The following TTC22 variants were observed in gnomAD, a reference collection of about 807,000 sequenced individuals.
TTC22 encodes tetratricopeptide repeat domain 22.
TTC22 carries 42 observed loss-of-function variants against 48.2 expected under a neutral mutation model. That is an observed-to-expected ratio of 0.87 (90% CI 0.68 to 1.13). The LOEUF (loss-of-function observed/expected upper bound fraction) is 1.13. TTC22 is among the 50% of genes most tolerant of loss of function. The pLI, the probability that TTC22 is intolerant of heterozygous loss-of-function variation, is 0.00. For missense variants in TTC22, 784 were observed against 807.0 expected (o/e 0.97, Z 0.34); for synonymous variants, 345 against 365.5 (o/e 0.94, Z 0.64).
rs1646262650 is a variant in TTC22, at chr1:54,781,529, A to G, written c.1424T>C (p.Leu475Pro). 17 of 1,514,146 alleles carry G rather than the reference A, an allele frequency of 1.1e-5. No individual in the cohort carries two copies. Among genetic ancestry groups the G allele is most frequent in the Non-Finnish European group, 1.5e-5 (17 of 1,138,612 alleles). The allele number at this position is 1,514,146 out of a possible 1,614,324, so 93.8% of individuals were successfully genotyped here. Residue 475 changes from leucine (L) to proline (P), a missense_variant, in exon 7 of 7, where the codon CTG (leucine) becomes CCG (proline). Coordinates refer to ENST00000371276, the MANE Select transcript of TTC22 (RefSeq NM_001114108.2). ...GSSHTDGFGC[L>P]LEALLAQWSQ... ...CCACTGCGCCAGCAGCGCCTCGAGC[A>G]GGCAGCCGAAGCCGTCGGTGTGGCT...
intron 1 of TTC22, among the ~76,000 whole-genome samples, chr1:54,795,276 G>A (rs1646382232): frequency 6.6e-6 from 1 of 152,272 alleles, no homozygotes; most frequent in Non-Finnish European, 1.5e-5. Flanking sequence ...GAGGTGGTAT[G>A]CGCACAGGTG....
Position 54,786,019 on chromosome 1 carries a change from T to C in TTC22, c.984A>G (p.Pro328=). 2 of 1,614,088 alleles carry C rather than the reference T, an allele frequency of 1.2e-6. No individual in the cohort carries two copies. Among genetic ancestry groups the C allele is most frequent in the Non-Finnish European group, 1.7e-6 (2 of 1,179,972 alleles). ...CNMALDVLRD[P]ELNWQAYCTR... ...TGCAGTACGCCTGCCAGTTGAGTTC[T>C]GGATCTCGTAGGACATCCAGGGCCA... Residue 328 remains proline, a synonymous_variant, in exon 5 of 7, where the codon CCA becomes CCG. Transcript: ENST00000371276.
rs556234071 is a variant in TTC22, at chr1:54,787,004, G to A, written c.811C>T (p.His271Tyr). Residue 271 changes from histidine to tyrosine, a missense_variant, in exon 4 of 7, where the codon CAT becomes TAT. His to Tyr is a moderately conservative substitution (Grantham distance 83). Coordinates refer to ENST00000371276, the MANE Select transcript of TTC22 (RefSeq NM_001114108.2). ...TCGGTCCCTGAGTACCCGCAGTCAT[G>A]GACGCCCATGGGGGTGGTGGAGAAG... Reference protein sequence around the residue: ...DTFSTTPMGVHDCGYSGTDPL... With the variant: ...DTFSTTPMGVYDCGYSGTDPL... 7 of 1,564,804 alleles carry A rather than the reference G, an allele frequency of 4.5e-6. No individual in the cohort carries two copies. Among genetic ancestry groups the A allele is most frequent in the East Asian group, 4.8e-5 (2 of 41,808 alleles).
chr1:54,785,224 G>T, intron 5 of TTC22: 1 of 212,298 alleles, frequency 4.7e-6, no homozygotes, highest in Non-Finnish European at 9.6e-6. Flanking sequence ...GACCTCTACT[G>T]GCTTTCAGAA....
At chr1:54,790,184 C>T (rs574165788) in intron 1 of TTC22, among the ~76,000 whole-genome samples, 1 of 152,296 alleles carries the variant, frequency 6.6e-6, no homozygotes, top group Non-Finnish European at 1.5e-5. Context: ...CCAAGACCAG[C>T]CTGTGCAACA....
At position 54,781,560 on chromosome 1, in the gene TTC22, C is replaced by A; in HGVS notation, c.1393G>T (p.Gly465Cys). The change falls in exon 7 of 7, where the codon GGC (glycine) becomes TGC (cysteine). Residue 465 changes from glycine to cysteine, a missense_variant. Gly to Cys is a radical substitution (Grantham distance 159). Transcript: ENST00000371276. The part of the protein sequence containing the change: ...FKRAVELDDA[G>C]SSHTDGFGCL... The stretch of plus-strand genomic sequence containing the variant: ...CCGAAGCCGTCGGTGTGGCTGGAGC[C>A]CGCGTCGTCCAGCTCCACTGCGCGC... 6.6e-7 allele frequency: 1 copy of A among 1,521,028 alleles called. No individual in the cohort carries two copies. The highest frequency in any genetic ancestry group is 8.8e-7 in the Non-Finnish European group (1 of 1,141,348). 94.2% of individuals were successfully genotyped at this position (1,521,028 alleles called of 1,614,324 possible).
chr1:54,781,048 CAGG>C lies in TTC22; in HGVS notation c.*192_*194del, dbSNP rs1646257143. ...CCCAGCCTCTTCTGCTCTCGGGAAT[CAGG>C]CCTTCCAGTCTGGGTGGGCGTTTCA... On this transcript the variant is annotated 3_prime_UTR_variant, in exon 7 of 7. Coordinates refer to ENST00000371276, the MANE Select transcript of TTC22 (RefSeq NM_001114108.2). 3 of 414,126 alleles carry C rather than the reference CAGG, an allele frequency of 7.2e-6. No individual in the cohort carries two copies. Among genetic ancestry groups the C allele is most frequent in the African/African-American group, 2.1e-5 (1 of 48,056 alleles). The allele number at this position is 414,126 out of a possible 1,614,324, so 25.7% of individuals were successfully genotyped here.
intron 5 of TTC22, among the ~76,000 whole-genome samples, chr1:54,782,695 G>A (rs908946536): frequency 1.1e-4 from 16 of 152,154 alleles, no homozygotes; most frequent in Admixed American, 1.0e-3. Context: ...TTCCCTGTCT[G>A]TGCAATGAGT....
At chr1:54,790,299 G>C (rs1646339941) in intron 1 of TTC22, among the ~76,000 whole-genome samples, 1 of 152,206 alleles carries the variant, frequency 6.6e-6, no homozygotes, top group South Asian at 2.1e-4. Context: ...AGAATTGATT[G>C]AGCCCAGGAG....
At position 54,786,100 on chromosome 1, in the gene TTC22, C is replaced by G. The variant is rs1470695006; in HGVS notation, c.903G>C (p.Leu301=). The G allele has an allele frequency of 6.2e-7, 1 of 1,614,124 alleles. No homozygotes were observed. Residue 301 remains leucine (L), a synonymous_variant, in exon 5 of 7, where the codon CTG becomes CTC. Coordinates refer to ENST00000371276, the MANE Select transcript of TTC22 (RefSeq NM_001114108.2). ...TTCCCAGGAAGTAGAAGATTTTTGC[C>G]AGGCGATTCAGGATGGGAGGTTGGT... is the stretch of plus-strand genomic sequence containing the variant. ...AKNQPPILNR[L]AKIFYFLGKQ...
At chr1:54,797,414 C>T (rs1236876505) in intron 1 of TTC22, among the ~76,000 whole-genome samples, 2 of 152,070 alleles carry the variant, frequency 1.3e-5, no homozygotes, top group Non-Finnish European at 2.9e-5. Flanking sequence ...TTTGGGAGGC[C>T]AAGGCAGGCG....
At chr1:54,787,476 T>A (rs1054272608) in intron 3 of TTC22, 50 of 589,394 alleles carry the variant, frequency 8.5e-5, no homozygotes, top group Non-Finnish European at 1.4e-4. Flanking sequence ...CCTCTCACCC[T>A]CCAGGTCATG....
Position 54,800,751 on chromosome 1 carries a change from G to T in TTC22, c.413C>A (p.Ala138Asp), listed in dbSNP as rs1320672336. The T allele has an allele frequency of 1.0e-5, 16 of 1,547,100 alleles. No individual in the cohort carries two copies. Among genetic ancestry groups the T allele is most frequent in the Non-Finnish European group, 1.2e-5 (14 of 1,150,016 alleles). Residue 138 changes from alanine to aspartate, a missense_variant, in exon 1 of 7, where the codon GCC (alanine) becomes GAC (aspartate). Ala to Asp is a moderately radical substitution (Grantham distance 126, BLOSUM62 -2). Transcript: ENST00000371276. ...GGCGCGGAGCTGGGGGTCCCCGGCG[G>T]CCTCGGGCTCCTCTGCCAGGCCCAT... ...DLMGLAEEPEAAGDPQLRAAR... is the reference protein window; with the variant it reads ...DLMGLAEEPEDAGDPQLRAAR...
chr1:54,783,758 C>A (rs1646280140), intron 5 of TTC22, among the ~76,000 whole-genome samples: 1 of 152,166 alleles, frequency 6.6e-6, no homozygotes, highest in African/African-American at 2.4e-5. Flanking sequence ...TGGGAGGCTG[C>A]AGCTGGAGGA....
Position 54,781,617 on chromosome 1 carries a change from C to T in TTC22, c.1336G>A (p.Gly446Ser). 1 of 1,529,436 alleles carries T rather than the reference C, an allele frequency of 6.5e-7. No individual in the cohort carries two copies. Among genetic ancestry groups the T allele is most frequent in the South Asian group, 1.2e-5 (1 of 83,146 alleles). 94.7% of individuals were successfully genotyped at this position (1,529,436 alleles called of 1,614,324 possible). Reference protein sequence around the residue: ...LLRGKCLRIKGEDANAAACFK... With the variant: ...LLRGKCLRIKSEDANAAACFK... ...CAGGCGGCCGCGTTGGCGTCCTCGC[C>T]CTTGATGCGCAGGCACTTGCCGCGC... The change falls in exon 7 of 7, where the codon GGC (glycine) becomes AGC (serine). Residue 446 changes from glycine (G) to serine (S), a missense_variant. Coordinates refer to ENST00000371276, the MANE Select transcript of TTC22 (RefSeq NM_001114108.2).
intron 1 of TTC22, among the ~76,000 whole-genome samples, chr1:54,798,351 CCT>C (rs1324917236): frequency 6.6e-6 from 1 of 152,206 alleles, no homozygotes; most frequent in African/African-American, 2.4e-5. Context: ...GGGAGTGTTC[CCT>C]CTCTGCCTCA....
chr1:54,781,111 T>C lies in TTC22; in HGVS notation c.*132A>G. The stretch of plus-strand genomic sequence containing the variant: ...GGTGTCGCAACATCCCCATTCACAA[T>C]TCCCGACCAAGAATCGAACTGGCTC... On this transcript the variant is annotated 3_prime_UTR_variant, in exon 7 of 7. Transcript: ENST00000371276. 1.6e-6 allele frequency: 1 copy of C among 623,744 alleles called. No individual in the cohort carries two copies. Among genetic ancestry groups the C allele is most frequent in the East Asian group, 3.6e-5 (1 of 27,622 alleles). The allele number at this position is 623,744 out of a possible 1,614,324, so 38.6% of individuals were successfully genotyped here.
Position 54,781,205 on chromosome 1 carries a change from C to A in TTC22, c.*38G>T, listed in dbSNP as rs745824790. ...TCCCATCAGCTGGGCGGGGCCTGGGCGGGGTCCCAGGGAGCCTCCGGCCTG... is the reference window on the plus strand; with the variant it reads ...TCCCATCAGCTGGGCGGGGCCTGGGAGGGGTCCCAGGGAGCCTCCGGCCTG... On this transcript the variant is annotated 3_prime_UTR_variant, in exon 7 of 7. Transcript: ENST00000371276. 51 of 1,360,578 alleles carry A rather than the reference C, an allele frequency of 3.7e-5. No individual in the cohort carries two copies. Among genetic ancestry groups the A allele is most frequent in the Non-Finnish European group, 4.6e-5 (49 of 1,055,758 alleles). The allele number at this position is 1,360,578 out of a possible 1,614,324, so 84.3% of individuals were successfully genotyped here. A position where few individuals can be genotyped will look rare whatever the true frequency, so the allele number is the denominator to read the frequency against.
rs1254769614 is a variant in TTC22 at position 54,800,710 on chromosome 1, C to A, written c.454G>T (p.Glu152Ter). 1.3e-6 allele frequency: 2 copies of A among 1,545,368 alleles called. No homozygotes were observed. Among genetic ancestry groups the A allele is most frequent in the South Asian group, 2.4e-5 (2 of 84,720 alleles). Reference protein sequence around the residue: ...PQLRAARCLAEQGYAHGFDVG... With the variant: ...PQLRAARCLA ...TCGAAGCCATGCGCGTAGCCCTGCTCGGCCAGGCAGCGAGCGGCGCGGAGC... is the reference window on the plus strand; with the variant it reads ...TCGAAGCCATGCGCGTAGCCCTGCTAGGCCAGGCAGCGAGCGGCGCGGAGC... Residue 152 changes from glutamate to a stop codon, truncating the protein, a stop_gained, in exon 1 of 7, where the codon GAG becomes TAG. Transcript: ENST00000371276. LOFTEE classifies it high-confidence loss of function.
Sources: allele counts gnomAD v4.1 joint callset (sites outside exome capture counted in the v4.1 genomes callset), GRCh38; gene constraint gnomAD v4.1.1; transcripts MANE v1.5; gene names NCBI Gene and HGNC (gene_info 2026-07-23, HGNC 2026-07-21).